Variants in KDM1B observed in about 807,000 individuals in gnomAD.
The protein encoded by KDM1B is lysine demethylase 1B, also known as lysine-specific histone demethylase 2.
A neutral mutation model predicts 107.4 loss-of-function variants in KDM1B; 63 were observed. That is an observed-to-expected ratio of 0.59 (90% CI 0.48 to 0.72). The LOEUF is 0.72. Among genes scored for constraint, KDM1B ranks in the 30% least tolerant of loss-of-function variants. KDM1B has a pLI of 0.00. For synonymous variants in KDM1B, 363 were observed against 363.9 expected (o/e 1.00, Z 0.03); for missense variants, 749 against 1,020.8 (o/e 0.73, Z 3.63).
chr6:18,210,491 G>A (rs527759046), intron 17 of KDM1B, among the ~76,000 whole-genome samples: 30 of 151,294 alleles, frequency 2.0e-4, no homozygotes, highest in African/African-American at 7.0e-4. Flanking sequence ...CTGTGTAACT[G>A]GGACCACAAG....
intron 7 of KDM1B, among the ~76,000 whole-genome samples, chr6:18,182,205 T>G (rs904238229): frequency 2.0e-5 from 3 of 152,148 alleles, no homozygotes; most frequent in Non-Finnish European, 4.4e-5. Flanking sequence ...AAATTCCAAT[T>G]TCTATGGATA....
chr6:18,166,309 A>C lies in KDM1B; in HGVS notation c.348A>C (p.Ile116=), dbSNP rs149694322. The C allele has an allele frequency of 3.7e-6, 6 of 1,612,322 alleles. No individual in the cohort carries two copies. The African/African-American group carries it at 8.0e-5, about 21-fold the overall frequency. The change falls in exon 6 of 22, where the codon ATA becomes ATC. Residue 116 remains isoleucine (I), a synonymous_variant. Transcript: ENST00000650836. ...ACAAATATACTACATGGAAAAAAAT[A>C]TGGACTAGCAATGGCAAAACCGAAC... ...GYDKYTTWKK[I]WTSNGKTEPS...
At position 18,198,003 on chromosome 6, in the gene KDM1B, G is replaced by T. The variant is rs767190343; in HGVS notation, c.1221+342G>T. 1.4e-5 allele frequency among the ~76,000 whole-genome samples: 2 copies of T among 145,502 alleles called. 1 individual carries two copies. Among genetic ancestry groups the T allele is most frequent in the South Asian group, 4.4e-4 (2 of 4,584 alleles). ...TGCAGCAGTGCGATCTCAGCTCACC[G>T]CAACCTCTGCCTCTTGGGTTCAAGC... is the stretch of plus-strand genomic sequence containing the variant. On this transcript the variant is annotated intron_variant, in intron 12 of 21. Coordinates refer to ENST00000650836, the MANE Select transcript of KDM1B (RefSeq NM_001364614.2).
At position 18,171,255 on chromosome 6, in the gene KDM1B, T is replaced by C; in HGVS notation, c.418-108T>C. 3 of 734,380 alleles carry C rather than the reference T, an allele frequency of 4.1e-6. No homozygotes were observed. In the South Asian group the frequency reaches 4.4e-5, roughly 11 times the overall value. The allele number at this position is 734,380 out of a possible 1,614,324, so 45.5% of individuals were successfully genotyped here. A position where few individuals can be genotyped will look rare whatever the true frequency, so the allele number is the denominator to read the frequency against. On this transcript the variant is annotated intron_variant, in intron 6 of 21. Transcript: ENST00000650836. ...ATGGTAATGCAAGGAGGAGAAAAAA[T>C]ACTTAGGATTGCTAACAGGTTGGAG...
At chr6:18,187,761 GTC>G (rs747253465) in intron 8 of KDM1B, 29 bp from the exon 9 acceptor site, 1 of 1,412,034 alleles carries the variant, frequency 7.1e-7, no homozygotes, top group South Asian at 1.2e-5. Context: ...GTCTGTCCTT[GTC>G]TCTCTTCTTC....
rs1788233539 is a variant in KDM1B, at chr6:18,204,367, C to G, written c.1532-1170C>G. On this transcript the variant is annotated intron_variant, in intron 14 of 21. Transcript: ENST00000650836. This position sits in a 1 kb window ranked among gnomAD's most constrained non-coding sequence, Gnocchi z 4.9. ...GGCATAGAGGCGGGCGCCTGTAGTC[C>G]CAGCTACTTGGGAGGCCGATTGCTG... 6.6e-6 allele frequency among the ~76,000 whole-genome samples: 1 copy of G among 152,034 alleles called. No homozygotes were observed. Among genetic ancestry groups the G allele is most frequent in the South Asian group, 2.1e-4 (1 of 4,804 alleles).
chr6:18,196,607 A>G (rs1179199514), intron 10 of KDM1B, among the ~76,000 whole-genome samples: 1 of 151,994 alleles, frequency 6.6e-6, no homozygotes, highest in East Asian at 1.9e-4. Context: ...GGACTTTTGT[A>G]CCTTTGGGTT....
chr6:18,222,577 C>T lies in KDM1B; in HGVS notation c.*585C>T, dbSNP rs1247092731. The T allele has an allele frequency of 1.2e-5, 2 of 164,670 alleles. No individual in the cohort carries two copies. Among genetic ancestry groups the T allele is most frequent in the Non-Finnish European group, 1.3e-5 (1 of 75,832 alleles). The allele number at this position is 164,670 out of a possible 1,614,324, so 10.2% of individuals were successfully genotyped here. ...TTTGTATTGTACATATTTCCTCCTACTGGGTGTTCAAAAGAAATTTAAATT... is the reference window on the plus strand; with the variant it reads ...TTTGTATTGTACATATTTCCTCCTATTGGGTGTTCAAAAGAAATTTAAATT... On this transcript the variant is annotated 3_prime_UTR_variant, in exon 22 of 22. Coordinates refer to ENST00000650836, the MANE Select transcript of KDM1B (RefSeq NM_001364614.2).
Position 18,200,418 on chromosome 6 carries a change from CCTGA to C in KDM1B, c.1222-17_1222-14del. The C allele has an allele frequency of 1.2e-6, 2 of 1,611,338 alleles. No homozygotes were observed. The highest frequency in any genetic ancestry group is 1.1e-5 in the South Asian group (1 of 90,636). ...TAACTCTTGTGTCCTATTTAGCTTC[CCTGA>C]CTGTCTGTCTTTTTAGGTGACTGTC... On this transcript the variant is annotated splice_polypyrimidine_tract_variant and intron_variant, in intron 12 of 21. Transcript: ENST00000650836. The surrounding 1 kb of genome is among the most constrained non-coding windows in gnomAD (Gnocchi z 4.3).
chr6:18,184,297 C>T (rs557757854), intron 7 of KDM1B, among the ~76,000 whole-genome samples: 125 of 91,304 alleles, frequency 1.4e-3, no homozygotes, highest in African/African-American at 4.6e-3. Context: ...TTTTTTGAGA[C>T]GGAGTGTCGC....
At chr6:18,174,442 C>T (rs942912645) in intron 7 of KDM1B, among the ~76,000 whole-genome samples, 3 of 152,066 alleles carry the variant, frequency 2.0e-5, no homozygotes, top group African/African-American at 7.2e-5. Context: ...TGGGCCAAAT[C>T]TGGCTGATAC....
At chr6:18,199,146 C>T (rs1019412746) in intron 12 of KDM1B, among the ~76,000 whole-genome samples, 14 of 151,762 alleles carry the variant, frequency 9.2e-5, no homozygotes, top group African/African-American at 3.1e-4. Context: ...TGCAGTGAGC[C>T]GAGATCTAGC....
intron 7 of KDM1B, among the ~76,000 whole-genome samples, chr6:18,183,240 A>G (rs1269525059): frequency 7.0e-6 from 1 of 143,612 alleles, no homozygotes; most frequent in Non-Finnish European, 1.5e-5. Context: ...GGGGTAAACA[A>G]TGTCCTGAAT....
At chr6:18,195,339 A>C (rs1409628419) in intron 10 of KDM1B, among the ~76,000 whole-genome samples, 1 of 152,216 alleles carries the variant, frequency 6.6e-6, no homozygotes, top group Non-Finnish European at 1.5e-5. Context: ...CTTTTGAGGA[A>C]CCAAAAAAAG....
chr6:18,188,358 A>G (rs1183271205), intron 9 of KDM1B, among the ~76,000 whole-genome samples: 2 of 152,184 alleles, frequency 1.3e-5, no homozygotes, highest in South Asian at 4.1e-4. Context: ...ATTTTTCCTC[A>G]GTAGTTTGGA....
Position 18,187,896 on chromosome 6 carries a change from CTG to C in KDM1B, c.682_683del (p.Val228TrpfsTer49), listed in dbSNP as rs979574636. 3 of 1,550,204 alleles carry C rather than the reference CTG, an allele frequency of 1.9e-6. No individual in the cohort carries two copies. The highest frequency in any genetic ancestry group is 1.2e-5 in the South Asian group (1 of 84,066). On this transcript the variant is annotated frameshift_variant, in exon 9 of 22. Transcript: ENST00000650836. LOFTEE classifies it high-confidence loss of function. ...CCCTGCTGTCTGCCTACTACCCTGACTGTGTTGGCATGAGCCCCTCCTGCACC... is the reference window on the plus strand; with the variant it reads ...CCCTGCTGTCTGCCTACTACCCTGACTGTTGGCATGAGCCCCTCCTGCACC... ...APLLSAYYPD[C>X]VGMSPSCTST...
chr6:18,220,811 G>A (rs1411763134), intron 21 of KDM1B, among the ~76,000 whole-genome samples: 9 of 149,008 alleles, frequency 6.0e-5, no homozygotes, highest in African/African-American at 1.7e-4. Flanking sequence ...TCGCTGTGTC[G>A]CACAGGCTGG....
rs1242852744 is a variant in KDM1B at position 18,222,970 on chromosome 6, A to T, written c.*978A>T. 2 of 152,666 alleles carry T rather than the reference A, an allele frequency of 1.3e-5. No individual in the cohort carries two copies. The highest frequency in any genetic ancestry group is 4.8e-5 in the African/African-American group (2 of 41,458). 9.5% of individuals were successfully genotyped at this position (152,666 alleles called of 1,614,324 possible). On this transcript the variant is annotated 3_prime_UTR_variant, in exon 22 of 22. Coordinates refer to ENST00000650836, the MANE Select transcript of KDM1B (RefSeq NM_001364614.2). ...TGTGAGCTCTCCTGGTAAATAGTAT[A>T]CATTTTATAAGCTATATTTTAAAGG...
chr6:18,221,336 G>A (rs1269615477), intron 21 of KDM1B, among the ~76,000 whole-genome samples: 4 of 152,022 alleles, frequency 2.6e-5, no homozygotes, highest in Non-Finnish European at 4.4e-5. Context: ...CTCCTATCCT[G>A]TCCTCCCCTA....
Sources: allele counts gnomAD v4.1 joint callset (sites outside exome capture counted in the v4.1 genomes callset), GRCh38; gene constraint gnomAD v4.1.1; non-coding constraint Gnocchi (gnomAD v3.1); transcripts MANE v1.5; gene names NCBI Gene and HGNC (gene_info 2026-07-23, HGNC 2026-07-21).